PDE1A: variants seen among roughly 807,000 people sequenced by gnomAD.
PDE1A encodes the protein dual specificity calcium/calmodulin-dependent 3',5'-cyclic nucleotide phosphodiesterase 1A.
Under a neutral mutation model 61.7 loss-of-function variants are expected in PDE1A, and 35 were observed. The observed-to-expected ratio is 0.57, with a 90% CI of 0.43 to 0.75. PDE1A has a LOEUF of 0.75. PDE1A is among the 30% of genes least tolerant of loss of function. The pLI is 0.00. For missense variants in PDE1A, 597 were observed against 630.6 expected, an observed-to-expected ratio of 0.95 and a Z score of 0.57; for synonymous variants, 232 against 213.2, an observed-to-expected ratio of 1.09 and a Z score of -0.77.
At chr2:182,387,963 T>TA (rs1347351161) in intron 1 of PDE1A, among the ~76,000 whole-genome samples, 4 of 151,908 alleles carry the variant, frequency 2.6e-5, no homozygotes, top group African/African-American at 9.7e-5. Flanking sequence ...AGGAAACACA[T>TA]AGACTCAAAG....
intron 7 of PDE1A, among the ~76,000 whole-genome samples, chr2:182,211,620 T>G (rs567080477): frequency 6.6e-6 from 1 of 152,344 alleles, no homozygotes; most frequent in Non-Finnish European, 1.5e-5. Flanking sequence ...ACTGACATCC[T>G]GACAATTTTG....
At chr2:182,390,522 G>A (rs988998891) in intron 1 of PDE1A, among the ~76,000 whole-genome samples, 1 of 152,168 alleles carries the variant, frequency 6.6e-6, no homozygotes, top group Non-Finnish European at 1.5e-5. Flanking sequence ...AGAAAACAAT[G>A]ACCTCAGAGA....
chr2:182,684,528 T>C, the PDE1A span, among the ~76,000 whole-genome samples: 1 of 152,200 alleles, frequency 6.6e-6, no homozygotes, highest in Non-Finnish European at 1.5e-5. Context: ...AAGAAAATTC[T>C]ACAAGCTTTT....
chr2:182,506,301 G>A (rs949646028), intron 2 of PDE1A, among the ~76,000 whole-genome samples: 11 of 151,882 alleles, frequency 7.2e-5, no homozygotes, highest in South Asian at 2.1e-4. Context: ...AGGAAATACC[G>A]TTTGTCTTTA....
the PDE1A span, among the ~76,000 whole-genome samples, chr2:182,558,033 G>A: frequency 3.3e-5 from 5 of 152,092 alleles, no homozygotes; most frequent in African/African-American, 1.2e-4. Context: ...TATGTTTGGG[G>A]TAATCCATTC....
intron 1 of PDE1A, among the ~76,000 whole-genome samples, chr2:182,347,209 T>A (rs1000591010): frequency 2.0e-5 from 3 of 152,114 alleles, no homozygotes; most frequent in Non-Finnish European, 1.5e-5. Context: ...AAATTTTTAA[T>A]TTTGTTTAAA....
intron 2 of PDE1A, among the ~76,000 whole-genome samples, chr2:182,454,936 C>CA (rs1298919758): frequency 6.7e-6 from 1 of 148,824 alleles, no homozygotes; most frequent in Non-Finnish European, 1.5e-5. Flanking sequence ...AGCTTCTGCA[C>CA]AAAAAAAGAA....
chr2:182,199,421 T>C (rs1686419732), intron 10 of PDE1A, among the ~76,000 whole-genome samples: 1 of 151,636 alleles, frequency 6.6e-6, no homozygotes, highest in Admixed American at 6.6e-5. Flanking sequence ...TATTACACAT[T>C]TTTTTTCTAA....
chr2:182,699,038 G>A, the PDE1A span, among the ~76,000 whole-genome samples: 1 of 152,172 alleles, frequency 6.6e-6, no homozygotes, highest in African/African-American at 2.4e-5. Context: ...AAGCATTAAA[G>A]ACTTCACGTC....
At chr2:182,523,688 C>A (rs2125994655), upstream of PDE1A, among the ~76,000 whole-genome samples, 1 of 152,230 alleles carries the variant, frequency 6.6e-6, no homozygotes, top group East Asian at 1.9e-4. Flanking sequence ...TTCTCAGTAC[C>A]TATTACATAT....
chr2:182,620,905 A>G, the PDE1A span, among the ~76,000 whole-genome samples: 2 of 152,112 alleles, frequency 1.3e-5, no homozygotes, highest in African/African-American at 2.4e-5. Flanking sequence ...AATGCATATG[A>G]TTCTTCAGAT....
At position 182,205,968 on chromosome 2, in the gene PDE1A, A is replaced by C. The variant is rs191168109; in HGVS notation, c.874T>G (p.Leu292Val). ...CAGTCATCTTTGGATAAATTTATCA[A>C]GATATTCATTTCTTCTTCTTGCATA... is the stretch of plus-strand genomic sequence containing the variant. Residue 292 changes from leucine to valine, a missense_variant, in exon 8 of 14, where the codon TTG becomes GTG. Transcript: ENST00000351439. The C allele has an allele frequency of 2.1e-5, 34 of 1,610,824 alleles. No individual in the cohort carries two copies. In the East Asian group the frequency reaches 6.9e-4, roughly 33 times the overall value.
At chr2:182,438,078 C>T (rs1002448556) in intron 2 of PDE1A, among the ~76,000 whole-genome samples, 1 of 151,856 alleles carries the variant, frequency 6.6e-6, no homozygotes, top group African/African-American at 2.4e-5. Flanking sequence ...TCAAGTTATT[C>T]ACCTTCCTAG....
chr2:182,699,353 C>T, the PDE1A span, among the ~76,000 whole-genome samples: 624 of 152,256 alleles, frequency 4.1e-3, 11 homozygotes, highest in African/African-American at 0.014. Flanking sequence ...TTGGTAAATA[C>T]ACCAAATTTC....
At chr2:182,261,526 A>C (rs949503686) in intron 2 of PDE1A, among the ~76,000 whole-genome samples, 4 of 152,188 alleles carry the variant, frequency 2.6e-5, no homozygotes, top group African/African-American at 9.6e-5. Context: ...ATTAGGAATA[A>C]TGTGGTGTTA....
chr2:182,654,000 T>C, the PDE1A span, among the ~76,000 whole-genome samples: 1 of 152,156 alleles, frequency 6.6e-6, no homozygotes, highest in Non-Finnish European at 1.5e-5. Flanking sequence ...CTGTGAAATA[T>C]TAAAATAATC....
intron 1 of PDE1A, among the ~76,000 whole-genome samples, chr2:182,376,008 T>C (rs1002834411): frequency 6.6e-6 from 1 of 152,338 alleles, no homozygotes; most frequent in Non-Finnish European, 1.5e-5. Flanking sequence ...GCAAGCAGCA[T>C]GGGGACCCTG....
intron 1 of PDE1A, among the ~76,000 whole-genome samples, chr2:182,353,444 C>T (rs1174862494): frequency 6.6e-6 from 1 of 152,092 alleles, no homozygotes; most frequent in African/African-American, 2.4e-5. Flanking sequence ...CACTAACTTG[C>T]TAGGAATTTT....
exon 9 of PDE1A, chr2:182,201,689 C>T: frequency 6.3e-7 from 1 of 1,588,268 alleles, no homozygotes; most frequent in Non-Finnish European, 8.6e-7. Flanking sequence ...AAAACCTACC[C>T]TTCAGGCTGC....
Sources: gnomAD v4.1 joint callset for allele counts (sites outside exome capture counted in the v4.1 genomes callset) on GRCh38, gnomAD v4.1.1 for gene constraint, MANE v1.5 for transcripts, NCBI Gene and HGNC (gene_info 2026-07-23, HGNC 2026-07-21) for gene names.